AUTS2: variants seen among roughly 807,000 people sequenced by gnomAD.
The protein encoded by AUTS2 is autism susceptibility gene 2 protein.
Under a neutral mutation model 112.4 loss-of-function variants are expected in AUTS2, and 17 were observed. The observed-to-expected ratio is 0.15, with a 90% CI of 0.10 to 0.23. AUTS2 has a LOEUF of 0.23. Among genes scored for constraint, AUTS2 ranks in the 10% least tolerant of loss-of-function variants. The pLI, the probability that AUTS2 is intolerant of heterozygous loss-of-function variation, is 1.00. For missense variants in AUTS2, 1,510 were observed against 1,701.6 expected (o/e 0.89, Z 1.98); for synonymous variants, 751 against 702.7 (o/e 1.07, Z -1.09).
chr7:70,444,209 A>G (rs1206816063), intron 5 of AUTS2, among the ~76,000 whole-genome samples: 1 of 152,156 alleles, frequency 6.6e-6, no homozygotes, highest in Non-Finnish European at 1.5e-5. Context: ...GTCTTGAACA[A>G]CATGCTTCAT....
In AUTS2 at chr7:69,599,994, T is replaced by A. The variant is rs1434192196; in HGVS notation, c.309+32T>A. On this transcript the variant is annotated intron_variant, in intron 1 of 18. Transcript: ENST00000342771. The surrounding 1 kb of genome is among the most constrained non-coding windows in gnomAD (Gnocchi z 7.0). Reference sequence around the variant, plus strand: ...GGGACCCCCCTTCCCCCGGGTTCCCTTTATGCACGACCCCACTCGGCTGCG... The same window carrying A: ...GGGACCCCCCTTCCCCCGGGTTCCCATTATGCACGACCCCACTCGGCTGCG... The A allele has an allele frequency of 6.2e-7, 1 of 1,610,058 alleles. No individual in the cohort carries two copies. The highest frequency in any genetic ancestry group is 2.2e-5 in the East Asian group (1 of 44,734).
intron 1 of AUTS2, among the ~76,000 whole-genome samples, chr7:69,718,027 A>G (rs759109136): frequency 8.5e-5 from 13 of 152,328 alleles, no homozygotes; most frequent in Middle Eastern, 3.4e-3. Context: ...TGTACCAGGC[A>G]TAACATATGG....
intron 2 of AUTS2, among the ~76,000 whole-genome samples, chr7:69,973,546 T>C (rs1797940002): frequency 6.6e-6 from 1 of 152,178 alleles, no homozygotes. Flanking sequence ...TTTTGCTGTT[T>C]AGTACAATGT....
intron 10 of AUTS2, among the ~76,000 whole-genome samples, chr7:70,769,156 T>G (rs1407285650): frequency 6.6e-6 from 1 of 152,152 alleles, no homozygotes; most frequent in East Asian, 1.9e-4. Flanking sequence ...AGAAATAACG[T>G]AAGATGAAAG....
At chr7:69,643,636 A>T in intron 1 of AUTS2, among the ~76,000 whole-genome samples, 1 of 151,112 alleles carries the variant, frequency 6.6e-6, no homozygotes. Flanking sequence ...CTGCCCGCCA[A>T]CCCCCCACCC....
chr7:69,678,783 C>G (rs1796677751), intron 1 of AUTS2, among the ~76,000 whole-genome samples: 2 of 152,242 alleles, frequency 1.3e-5, no homozygotes. Flanking sequence ...GATTTACGCT[C>G]TGTGCTGCCC....
At chr7:70,025,131 C>T (rs1034632929) in intron 2 of AUTS2, among the ~76,000 whole-genome samples, 28 of 152,282 alleles carry the variant, frequency 1.8e-4, no homozygotes, top group African/African-American at 6.5e-4. Context: ...ATAGCATCTA[C>T]CAGTAATTGG....
chr7:70,011,181 G>A (rs1414136263), intron 2 of AUTS2, among the ~76,000 whole-genome samples: 1 of 152,156 alleles, frequency 6.6e-6, no homozygotes, highest in Admixed American at 6.5e-5. Flanking sequence ...GATGGAAAAG[G>A]TCACTCAGTC....
intron 2 of AUTS2, among the ~76,000 whole-genome samples, chr7:69,959,876 G>T (rs1030340430): frequency 1.3e-5 from 2 of 152,070 alleles, no homozygotes; most frequent in Non-Finnish European, 2.9e-5. Flanking sequence ...CATAAATAAT[G>T]GTTTAACTGA....
At chr7:70,229,253 G>A (rs1216325952) in intron 4 of AUTS2, among the ~76,000 whole-genome samples, 1 of 151,990 alleles carries the variant, frequency 6.6e-6, no homozygotes, top group African/African-American at 2.4e-5. Context: ...TGTAAAGCAG[G>A]TGTGCTAACA....
At chr7:69,818,764 AAAG>A (rs889290426) in intron 1 of AUTS2, among the ~76,000 whole-genome samples, 14 of 152,178 alleles carry the variant, frequency 9.2e-5, no homozygotes, top group African/African-American at 3.4e-4. Context: ...GGCTGGCGAT[AAAG>A]AAGAGAGAGT....
chr7:70,219,336 G>T (rs1811345962), intron 4 of AUTS2, among the ~76,000 whole-genome samples: 1 of 152,034 alleles, frequency 6.6e-6, no homozygotes, highest in African/African-American at 2.4e-5. Context: ...TAATTAGCCA[G>T]AACAACATGT....
intron 1 of AUTS2, among the ~76,000 whole-genome samples, chr7:69,746,039 A>AT (rs879854103): frequency 6.1e-4 from 89 of 146,706 alleles, no homozygotes; most frequent in East Asian, 3.2e-3. Context: ...AATTAAAAGA[A>AT]TTTTTTTTTT....
rs528613725 is a variant in AUTS2, at chr7:70,137,402, C to CT, written c.660+2842dup. 6.6e-3 allele frequency among the ~76,000 whole-genome samples: 919 copies of CT among 139,862 alleles called. 3 individuals are homozygous for CT. The highest frequency in any genetic ancestry group is 0.011 in the Middle Eastern group (3 of 262). The allele number at this position is 139,862 out of a possible 152,430, so 91.8% of individuals were successfully genotyped here. On this transcript the variant is annotated intron_variant, in intron 4 of 18. Transcript: ENST00000342771. The stretch of plus-strand genomic sequence containing the variant: ...GTATAGACTAGTTGGAATCGATTTG[C>CT]TTTTTTTTTTTCTTTTTTGGCAAGA...
At chr7:69,732,280 C>T (rs1328231663) in intron 1 of AUTS2, among the ~76,000 whole-genome samples, 1 of 152,042 alleles carries the variant, frequency 6.6e-6, no homozygotes. Context: ...TTGCTGCTTG[C>T]TGTTGTAAAG....
intron 1 of AUTS2, among the ~76,000 whole-genome samples, chr7:69,761,080 C>A (rs986451563): frequency 2.6e-5 from 4 of 152,156 alleles, no homozygotes; most frequent in African/African-American, 9.7e-5. Context: ...TTGCTTTCTC[C>A]TTTCCCCTCT....
At chr7:69,767,472 C>A (rs1788477299) in intron 1 of AUTS2, among the ~76,000 whole-genome samples, 1 of 152,138 alleles carries the variant, frequency 6.6e-6, no homozygotes, top group Non-Finnish European at 1.5e-5. Flanking sequence ...GAGCCACCAG[C>A]CTAAAAAGAC....
chr7:69,828,960 T>C (rs1248335253), intron 1 of AUTS2, among the ~76,000 whole-genome samples: 2 of 152,082 alleles, frequency 1.3e-5, no homozygotes, highest in African/African-American at 2.4e-5. Flanking sequence ...TAATCCAGTA[T>C]AGGAGGCATC....
At chr7:70,677,309 T>C (rs980584206) in intron 5 of AUTS2, among the ~76,000 whole-genome samples, 1 of 152,304 alleles carries the variant, frequency 6.6e-6, no homozygotes, top group Middle Eastern at 3.4e-3. Context: ...CGAGCTCTCT[T>C]TCTGATGTTC....
Sources: allele counts gnomAD v4.1 joint callset (sites outside exome capture counted in the v4.1 genomes callset), GRCh38; gene constraint gnomAD v4.1.1; non-coding constraint Gnocchi (gnomAD v3.1); transcripts MANE v1.5; gene names NCBI Gene and HGNC (gene_info 2026-07-23, HGNC 2026-07-21).